The following ADAMTS16 variants were observed in gnomAD, a reference collection of about 807,000 sequenced individuals.
ADAMTS16 encodes A disintegrin and metalloproteinase with thrombospondin motifs 16.
A neutral mutation model predicts 145.8 loss-of-function variants in ADAMTS16; 94 were observed. The observed-to-expected ratio is 0.64, with a 90% confidence interval of 0.55 to 0.77. The LOEUF (loss-of-function observed/expected upper bound fraction) is 0.77. Ranked by LOEUF, ADAMTS16 falls within the 30% of genes least tolerant of loss-of-function variation. The probability of loss-of-function intolerance (pLI) is 0.00; values close to 1 mark genes in which losing one functional copy is unlikely to be tolerated. For missense variants in ADAMTS16, 1,585 were observed against 1,591.5 expected, an observed-to-expected ratio of 1.00 and a Z score of 0.07; for synonymous variants, 659 against 604.3, an observed-to-expected ratio of 1.09 and a Z score of -1.33.
intron 13 of ADAMTS16, among the ~76,000 whole-genome samples, chr5:5,236,162 C>G (rs16875111): frequency 6.6e-6 from 1 of 151,968 alleles, no homozygotes; most frequent in Non-Finnish European, 1.5e-5. Context: ...TAATCATGGA[C>G]GCACACACTA....
At position 5,232,566 on chromosome 5, in the gene ADAMTS16, T is replaced by G. The variant is rs757398291; in HGVS notation, c.1850+50T>G. The G allele has an allele frequency of 1.9e-6, 3 of 1,580,890 alleles. No individual in the cohort carries two copies. The Admixed American group carries it at 5.1e-5, about 27-fold the overall frequency. On this transcript the variant is annotated intron_variant, in intron 12 of 22. Coordinates refer to ENST00000274181, the MANE Select transcript of ADAMTS16 (RefSeq NM_139056.4). ...TCACAAACGACTGATTTCCATGCCA[T>G]GAACCCTCCAAGCAGTATGCCTGTG...
chr5:5,234,145 G>T (rs1307594598), intron 12 of ADAMTS16, among the ~76,000 whole-genome samples: 1 of 152,104 alleles, frequency 6.6e-6, no homozygotes. Flanking sequence ...CACCCCCTAC[G>T]CCACGCTGTA....
chr5:5,164,396 G>A (rs1734811706), intron 3 of ADAMTS16, among the ~76,000 whole-genome samples: 2 of 152,224 alleles, frequency 1.3e-5, no homozygotes, highest in South Asian at 2.1e-4. Flanking sequence ...GGCACATGAC[G>A]CCTTCCTGGC....
chr5:5,305,775 G>A (rs1017633456), intron 20 of ADAMTS16, among the ~76,000 whole-genome samples: 4 of 152,178 alleles, frequency 2.6e-5, no homozygotes, highest in Admixed American at 6.5e-5. Context: ...GCACAGCATC[G>A]TCCGCTCTAC....
rs73039123 is a variant in ADAMTS16 at position 5,277,444 on chromosome 5, G to A, written c.2789+14661G>A. Among the ~76,000 whole-genome samples the A allele has an allele frequency of 3.4e-3, 516 of 152,194 alleles. 4 individuals are homozygous for A. The highest frequency in any genetic ancestry group is 0.012 in the African/African-American group (485 of 41,512). On this transcript the variant is annotated intron_variant, in intron 18 of 22. Transcript: ENST00000274181. Reference sequence around the variant, plus strand: ...TTGCTCACCAGGCTGACCAGTGAACGCACAGAATCATTTCAAGGTTTGAAA... The same window carrying A: ...TTGCTCACCAGGCTGACCAGTGAACACACAGAATCATTTCAAGGTTTGAAA...
At chr5:5,227,225 C>A (rs902870612) in intron 11 of ADAMTS16, among the ~76,000 whole-genome samples, 1 of 152,254 alleles carries the variant, frequency 6.6e-6, no homozygotes, top group Non-Finnish European at 1.5e-5. Context: ...CTTTAATACA[C>A]TGCTCCCCTG....
intron 18 of ADAMTS16, among the ~76,000 whole-genome samples, chr5:5,291,970 C>A (rs564557658): frequency 6.6e-6 from 1 of 152,172 alleles, no homozygotes; most frequent in Non-Finnish European, 1.5e-5. Flanking sequence ...TAGTATTTTG[C>A]ATGTGCTCAG....
In ADAMTS16 at chr5:5,239,922, G is replaced by T. The variant is rs1737236410; in HGVS notation, c.2520G>T (p.Val840=). The T allele has an allele frequency of 6.2e-7, 1 of 1,613,572 alleles. No individual in the cohort carries two copies. The highest frequency in any genetic ancestry group is 8.5e-7 in the Non-Finnish European group (1 of 1,179,786). The change falls in exon 16 of 23, where the codon GTG becomes GTT. Residue 840 remains valine (V), a synonymous_variant. Coordinates refer to ENST00000274181, the MANE Select transcript of ADAMTS16 (RefSeq NM_139056.4). Reference sequence around the variant, plus strand: ...GACCAACCAACGAGACACTGATTGTGGAGGTAAAGTCCAGCCTCTTGATTT... The same window carrying T: ...GACCAACCAACGAGACACTGATTGTTGAGGTAAAGTCCAGCCTCTTGATTT... The part of the protein sequence containing the change: ...ATGPTNETLI[V]ELLFQGRNPG...
At chr5:5,183,497 T>C (rs1288581040) in intron 4 of ADAMTS16, among the ~76,000 whole-genome samples, 1 of 152,146 alleles carries the variant, frequency 6.6e-6, no homozygotes, top group Non-Finnish European at 1.5e-5. Context: ...GGAGAGGAAG[T>C]GGCCCACACA....
At chr5:5,239,656 T>C (rs1405753322) in intron 15 of ADAMTS16, 25 bp from the exon 16 acceptor site, 2 of 1,609,378 alleles carry the variant, frequency 1.2e-6, no homozygotes, top group African/African-American at 2.7e-5. Flanking sequence ...TGAAAAGCTG[T>C]ATCTTCCCCA....
At chr5:5,276,254 T>A (rs1560983018) in intron 18 of ADAMTS16, among the ~76,000 whole-genome samples, 1 of 152,242 alleles carries the variant, frequency 6.6e-6, no homozygotes, top group Admixed American at 6.5e-5. Context: ...TGTCTTCTAC[T>A]TACCATGTCT....
chr5:5,299,540 G>A (rs1169335136), intron 18 of ADAMTS16, among the ~76,000 whole-genome samples: 2 of 152,000 alleles, frequency 1.3e-5, no homozygotes, highest in Non-Finnish European at 2.9e-5. Context: ...GGAAGAGGGA[G>A]TCATTTTGTT....
rs375151913 is a variant in ADAMTS16 at position 5,182,337 on chromosome 5, G to T, written c.763+32G>T. The T allele has an allele frequency of 2.5e-6, 4 of 1,588,666 alleles. No homozygotes were observed. In the African/African-American group the frequency reaches 5.4e-5, roughly 21 times the overall value. ...AAGGGCGAATCTTTGTGTGTATTTAGTGATGCTGACATTTATGTAAGCTGA... is the reference window on the plus strand; with the variant it reads ...AAGGGCGAATCTTTGTGTGTATTTATTGATGCTGACATTTATGTAAGCTGA... On this transcript the variant is annotated intron_variant, in intron 4 of 22. Coordinates refer to ENST00000274181, the MANE Select transcript of ADAMTS16 (RefSeq NM_139056.4).
chr5:5,257,457 C>G (rs2964405), intron 17 of ADAMTS16, among the ~76,000 whole-genome samples: 145,586 of 152,250 alleles, frequency 0.96, 69,829 homozygotes, highest in Non-Finnish European at 1. Context: ...TTAGAGTCAC[C>G]ATGTAATGCA....
chr5:5,319,586 A>T lies in ADAMTS16; in HGVS notation c.*448A>T. 1 of 297,132 alleles carries T rather than the reference A, an allele frequency of 3.4e-6. No individual in the cohort carries two copies. 18.4% of individuals were successfully genotyped at this position (297,132 alleles called of 1,614,324 possible). On this transcript the variant is annotated 3_prime_UTR_variant, in exon 23 of 23. Coordinates refer to ENST00000274181, the MANE Select transcript of ADAMTS16 (RefSeq NM_139056.4). ...TTCACCAGCCTCCCCTCCCACTAGG[A>T]GGGCCCCTCGAGCCATCAGGAGTGA...
At chr5:5,158,043 T>C (rs1187664391) in intron 3 of ADAMTS16, among the ~76,000 whole-genome samples, 2 of 152,248 alleles carry the variant, frequency 1.3e-5, no homozygotes, top group African/African-American at 4.8e-5. Flanking sequence ...GTTCTTTAGG[T>C]CTCAGTTGAA....
At chr5:5,257,403 T>G (rs966939735) in intron 17 of ADAMTS16, among the ~76,000 whole-genome samples, 2 of 152,050 alleles carry the variant, frequency 1.3e-5, no homozygotes, top group Non-Finnish European at 2.9e-5. Context: ...CCCCAAGAAA[T>G]CTGTTCCAAC....
intron 3 of ADAMTS16, among the ~76,000 whole-genome samples, chr5:5,170,882 C>T (rs1399816797): frequency 6.6e-6 from 1 of 152,040 alleles, no homozygotes; most frequent in Non-Finnish European, 1.5e-5. Context: ...CCCATTGGTC[C>T]ATTTTTGCTT....
chr5:5,221,644 T>C lies in ADAMTS16; in HGVS notation c.1606-1145T>C, dbSNP rs2115011. On this transcript the variant is annotated intron_variant, in intron 10 of 22. Coordinates refer to ENST00000274181, the MANE Select transcript of ADAMTS16 (RefSeq NM_139056.4). ...AAATCTGGTTTATTAGTGAAGGAGA[T>C]ATAGCCAGGGAAAATACGAAGCTGT... Among the ~76,000 whole-genome samples, 225 of 152,322 alleles carry C rather than the reference T, an allele frequency of 1.5e-3. 1 individual carries two copies. The highest frequency in any genetic ancestry group is 5.0e-3 in the African/African-American group (209 of 41,570).
Sources: allele counts gnomAD v4.1 joint callset (sites outside exome capture counted in the v4.1 genomes callset), GRCh38; gene constraint gnomAD v4.1.1; transcripts MANE v1.5; gene names NCBI Gene and HGNC (gene_info 2026-07-23, HGNC 2026-07-21).